DOCK4: variants seen among roughly 807,000 people sequenced by gnomAD.
The protein encoded by DOCK4 is dedicator of cytokinesis 4, also known as dedicator of cytokinesis protein 4.
Under a neutral mutation model 268.1 loss-of-function variants are expected in DOCK4, and 97 were observed. The ratio of observed to expected loss-of-function variants is 0.36; its 90% CI spans 0.31 to 0.43. The LOEUF is 0.43. DOCK4 is among the 20% of genes least tolerant of loss of function. DOCK4 has a pLI of 1.00. For missense variants in DOCK4, 2,145 were observed against 2,455.7 expected (o/e 0.87, Z 2.67); for synonymous variants, 954 against 887.2 (o/e 1.08, Z -1.34).
In DOCK4 at chr7:111,841,723, G is replaced by A. The variant is rs146022894; in HGVS notation, c.2736+3040C>T. On this transcript the variant is annotated intron_variant, in intron 25 of 52. Coordinates refer to ENST00000428084, the MANE Select transcript of DOCK4 (RefSeq NM_001363540.2). Reference sequence around the variant, plus strand: ...GCTATGCAGGAAGGATTCTCTTCATGTGATTTTCTTATAATTTAGTACACA... The same window carrying A: ...GCTATGCAGGAAGGATTCTCTTCATATGATTTTCTTATAATTTAGTACACA... Among the ~76,000 whole-genome samples the A allele has an allele frequency of 1.1e-3, 171 of 152,292 alleles. 1 individual carries two copies. In the East Asian group the frequency reaches 0.027, roughly 24 times the overall value.
intron 1 of DOCK4, among the ~76,000 whole-genome samples, chr7:112,151,346 G>T (rs1046891541): frequency 2.0e-5 from 3 of 152,066 alleles, no homozygotes; most frequent in Non-Finnish European, 2.9e-5. Flanking sequence ...ATAAAATCAT[G>T]CATGTTAGGT....
At chr7:111,756,096 C>T (rs1268681448) in intron 41 of DOCK4, among the ~76,000 whole-genome samples, 1 of 152,164 alleles carries the variant, frequency 6.6e-6, no homozygotes, top group Non-Finnish European at 1.5e-5. Flanking sequence ...CGCCTGTAAT[C>T]CCAGCACTTT....
chr7:111,868,425 C>T (rs963474109), intron 21 of DOCK4, among the ~76,000 whole-genome samples: 4 of 152,050 alleles, frequency 2.6e-5, no homozygotes, highest in Non-Finnish European at 5.9e-5. Context: ...TTTAAAAACA[C>T]TTTAGCCGGG....
At chr7:112,014,938 GAAGA>G (rs753057704) in intron 1 of DOCK4, among the ~76,000 whole-genome samples, 2 of 152,016 alleles carry the variant, frequency 1.3e-5, no homozygotes, top group Non-Finnish European at 2.9e-5. Context: ...GAAAAGAAAG[GAAGA>G]AAGAAGAATT....
intron 1 of DOCK4, among the ~76,000 whole-genome samples, chr7:112,167,121 A>G (rs1358970346): frequency 6.6e-6 from 1 of 152,198 alleles, no homozygotes; most frequent in African/African-American, 2.4e-5. Flanking sequence ...CCAGTGGCCT[A>G]TAGCTGGACC....
intron 1 of DOCK4, among the ~76,000 whole-genome samples, chr7:112,096,108 T>C (rs1416902253): frequency 6.6e-6 from 1 of 152,066 alleles, no homozygotes; most frequent in Non-Finnish European, 1.5e-5. Flanking sequence ...AATAAATAAA[T>C]AATTAAATAG....
intron 16 of DOCK4, among the ~76,000 whole-genome samples, chr7:111,884,775 C>T (rs1041808506): frequency 6.6e-6 from 1 of 152,096 alleles, no homozygotes; most frequent in African/African-American, 2.4e-5. Flanking sequence ...CTTAGGAACA[C>T]AACAAATGTG....
intron 5 of DOCK4, 147 bp from the exon 6 acceptor site, chr7:111,989,310 C>T (rs750806479): frequency 6.7e-6 from 7 of 1,046,532 alleles, no homozygotes; most frequent in Admixed American, 5.2e-5. Flanking sequence ...ACAAACTGTT[C>T]GCTCACTATC....
chr7:111,992,475 T>G (rs546899034), intron 5 of DOCK4, among the ~76,000 whole-genome samples: 1 of 152,320 alleles, frequency 6.6e-6, no homozygotes, highest in South Asian at 2.1e-4. Flanking sequence ...TTAATATTTG[T>G]TTCTAATGGC....
chr7:111,786,942 A>T (rs1471079192), intron 32 of DOCK4, among the ~76,000 whole-genome samples: 2 of 152,226 alleles, frequency 1.3e-5, no homozygotes, highest in Non-Finnish European at 1.5e-5. Context: ...GAAATTATTT[A>T]TAGTAGCATT....
chr7:112,097,315 T>C (rs902608561), intron 1 of DOCK4, among the ~76,000 whole-genome samples: 4 of 152,190 alleles, frequency 2.6e-5, no homozygotes, highest in African/African-American at 9.6e-5. Context: ...GGCTCATGCC[T>C]GTAATCCCAG....
chr7:112,001,915 C>T (rs558824848), intron 2 of DOCK4, among the ~76,000 whole-genome samples: 2 of 152,274 alleles, frequency 1.3e-5, no homozygotes, highest in South Asian at 4.1e-4. Context: ...TTTTGCAGCA[C>T]TATCCTTACA....
intron 1 of DOCK4, among the ~76,000 whole-genome samples, chr7:112,076,496 C>A (rs556548017): frequency 1.6e-4 from 25 of 152,060 alleles, no homozygotes; most frequent in Non-Finnish European, 8.8e-5. Flanking sequence ...TGATCAAAGA[C>A]ATCTGGCTTT....
chr7:112,045,320 A>C (rs1219222724), intron 1 of DOCK4, among the ~76,000 whole-genome samples: 2 of 152,192 alleles, frequency 1.3e-5, no homozygotes, highest in African/African-American at 4.8e-5. Flanking sequence ...GACCACTGTA[A>C]AAAGGCAACA....
At chr7:111,948,612 G>A (rs749602898) in intron 8 of DOCK4, among the ~76,000 whole-genome samples, 1 of 149,224 alleles carries the variant, frequency 6.7e-6, no homozygotes, top group Non-Finnish European at 1.5e-5. Context: ...TTTTTTTCCC[G>A]AGACGGAGTT....
chr7:112,004,813 G>T (rs576503348), intron 1 of DOCK4, among the ~76,000 whole-genome samples: 1 of 152,114 alleles, frequency 6.6e-6, no homozygotes, highest in Admixed American at 6.5e-5. Flanking sequence ...ATGGGGAGGG[G>T]GATCACAATT....
rs1471883233 is a variant in DOCK4 at position 111,773,388 on chromosome 7, G to A, written c.3680-3711C>T. ...TTGGGGAACATAAAGACTGCAAGTT[G>A]AGTAAACAAATTAAAGAAAAAAGAT... On this transcript the variant is annotated intron_variant, in intron 36 of 52. Coordinates refer to ENST00000428084, the MANE Select transcript of DOCK4 (RefSeq NM_001363540.2). Among the ~76,000 whole-genome samples, 4 of 152,130 alleles carry A rather than the reference G, an allele frequency of 2.6e-5. No individual in the cohort carries two copies. The East Asian group carries it at 7.7e-4, about 29-fold the overall frequency.
chr7:111,857,273 T>C (rs1022865681), intron 23 of DOCK4, among the ~76,000 whole-genome samples: 1 of 152,206 alleles, frequency 6.6e-6, no homozygotes, highest in African/African-American at 2.4e-5. Context: ...AATAGTCTAA[T>C]AGTCTACCTT....
chr7:111,885,601 C>G (rs952424753), intron 16 of DOCK4, among the ~76,000 whole-genome samples: 4 of 152,100 alleles, frequency 2.6e-5, no homozygotes, highest in Non-Finnish European at 5.9e-5. Context: ...CAATGTGACC[C>G]CGGCTTCTTG....
Sources: allele counts gnomAD v4.1 joint callset (sites outside exome capture counted in the v4.1 genomes callset), GRCh38; gene constraint gnomAD v4.1.1; transcripts MANE v1.5; gene names NCBI Gene and HGNC (gene_info 2026-07-23, HGNC 2026-07-21).